The following SSX7 variants were observed in gnomAD, a reference collection of about 807,000 sequenced individuals.
SSX7 encodes protein SSX7.
Under a neutral mutation model 14.7 loss-of-function variants are expected in SSX7, and 15 were observed. That is an observed-to-expected ratio of 1.02 (90% CI 0.68 to 1.58). The LOEUF is 1.58. SSX7 is among the 40% of genes most tolerant of loss of function. The pLI is 0.00. For missense variants in SSX7, 178 were observed against 146.8 expected, an observed-to-expected ratio of 1.21 and a Z score of -1.10; for synonymous variants, 46 against 50.6, an observed-to-expected ratio of 0.91 and a Z score of 0.38.
chrX:52,644,908 C>T (rs1222080999), intron 7 of SSX7, among the ~76,000 whole-genome samples: 2 of 111,287 alleles, frequency 1.8e-5, no homozygotes, highest in African/African-American at 3.3e-5. Flanking sequence ...CAGGGCTGAT[C>T]TGGAGTTCGG....
intron 1 of SSX7, among the ~76,000 whole-genome samples, chrX:52,654,089 A>G (rs868952381): frequency 9.0e-6 from 1 of 111,196 alleles, no homozygotes; most frequent in Non-Finnish European, 1.9e-5. Context: ...TCACTTAGAG[A>G]GAATGTAGGG....
chrX:52,645,892 C>T (rs1284797049), intron 6 of SSX7, among the ~76,000 whole-genome samples: 4 of 110,751 alleles, frequency 3.6e-5, no homozygotes, highest in African/African-American at 1.3e-4. Flanking sequence ...TAGTGCTTCA[C>T]AGATGCTGCA....
At chrX:52,651,205 T>G (rs1925414994) in intron 4 of SSX7, among the ~76,000 whole-genome samples, 1 of 111,842 alleles carries the variant, frequency 8.9e-6, no homozygotes, top group African/African-American at 3.2e-5. Context: ...TCACGGAGAA[T>G]CAGGGTTCTT....
intron 7 of SSX7, among the ~76,000 whole-genome samples, chrX:52,645,040 C>T (rs1325263472): frequency 2.3e-4 from 25 of 110,867 alleles, no homozygotes; most frequent in Non-Finnish European, 4.3e-4. Context: ...GAGGCCGAGG[C>T]GGGCGGATCA....
intron 6 of SSX7, among the ~76,000 whole-genome samples, chrX:52,646,694 C>G (rs781827463): frequency 8.9e-6 from 1 of 112,111 alleles, no homozygotes; most frequent in Non-Finnish European, 1.9e-5. Flanking sequence ...TTCCCCATCT[C>G]TCCTCCTTTT....
At chrX:52,645,678 T>C in intron 6 of SSX7, 135 bp from the exon 7 acceptor site, 1 of 550,918 alleles carries the variant, frequency 1.8e-6, no homozygotes, top group Non-Finnish European at 2.9e-6. Context: ...TCACATTCTC[T>C]GGCTTAGAGA....
chrX:52,645,624 C>G (rs1335873069), intron 6 of SSX7, 81 bp from the exon 7 acceptor site: 11 of 813,548 alleles, frequency 1.4e-5, no homozygotes, highest in Non-Finnish European at 1.9e-5. Flanking sequence ...AAAGGAGATG[C>G]CTCCCCCCTC....
intron 3 of SSX7, among the ~76,000 whole-genome samples, 186 bp from the exon 4 acceptor site, chrX:52,652,533 A>T (rs1359830355): frequency 9.2e-6 from 1 of 108,984 alleles, no homozygotes; most frequent in Non-Finnish European, 1.9e-5. Flanking sequence ...TGAGACTCAG[A>T]CTCAAAAAAA....
chrX:52,648,365 T>C lies in SSX7; in HGVS notation c.362A>G (p.Asn121Ser), dbSNP rs1556766599. 2 of 1,211,900 alleles carry C rather than the reference T, an allele frequency of 1.7e-6. No individual in the cohort carries two copies. Among genetic ancestry groups the C allele is most frequent in the Non-Finnish European group, 2.2e-6 (2 of 895,523 alleles). The change falls in exon 6 of 8, where the codon AAT becomes AGT. Residue 121 changes from asparagine to serine, a missense_variant. Asn to Ser is a conservative substitution (Grantham distance 46, BLOSUM62 1). Transcript: ENST00000298181. ...IMPKKPAEEGNDSKGVPEASG... is the reference protein window; with the variant it reads ...IMPKKPAEEGSDSKGVPEASG... ...TGCTTCTGGCACTCCCTTCGAATCA[T>C]TTCCTTCCTCTGCTGGCTTCTTGGG...
rs1925485126 is a variant in SSX7, at chrX:52,652,919, T to A, written c.135A>T (p.Lys45Asn). ...TTCTCTTCATATACACATAGCTGAT[T>A]TTCTCCAAGGATTTCATCTTTTCCC... The part of the protein sequence containing the change: ...KEWEKMKSLE[K>N]ISYVYMKRKY... The change falls in exon 3 of 8, where the codon AAA becomes AAT. Residue 45 changes from lysine to asparagine, a missense_variant. Physicochemically the swap from Lys to Asn is moderately conservative, Grantham distance 94. Coordinates refer to ENST00000298181, the MANE Select transcript of SSX7 (RefSeq NM_173358.2). The A allele has an allele frequency of 8.3e-7, 1 of 1,202,873 alleles. No homozygotes were observed. Among genetic ancestry groups the A allele is most frequent in the African/African-American group, 1.8e-5 (1 of 57,132 alleles).
rs1396039864 is a variant in SSX7 at position 52,650,341 on chromosome X, A to C, written c.330+12T>G. The C allele has an allele frequency of 1.2e-5, 15 of 1,207,234 alleles. No homozygotes were observed. The highest frequency in any genetic ancestry group is 1.7e-5 in the Non-Finnish European group (15 of 892,736). ...AAGGTTCTCTGGTCCTTTAGATCTG[A>C]GAGACACTCACCTTCGGGAAGATTC... On this transcript the variant is annotated intron_variant, in intron 5 of 7. Coordinates refer to ENST00000298181, the MANE Select transcript of SSX7 (RefSeq NM_173358.2).
intron 5 of SSX7, 41 bp from the exon 6 acceptor site, chrX:52,648,437 A>G: frequency 8.3e-7 from 1 of 1,204,159 alleles, no homozygotes; most frequent in Non-Finnish European, 1.1e-6. Flanking sequence ...AATCAGTGAC[A>G]TTTCTATAGT....
intron 7 of SSX7, 137 bp from the exon 8 acceptor site, chrX:52,644,807 G>A: frequency 1.4e-6 from 1 of 735,589 alleles, no homozygotes; most frequent in Non-Finnish European, 2.1e-6. Flanking sequence ...CGCCTTCCAT[G>A]GTTCCTTGAA....
At chrX:52,648,934 G>A (rs1230987272) in intron 5 of SSX7, among the ~76,000 whole-genome samples, 8 of 111,770 alleles carry the variant, frequency 7.2e-5, no homozygotes, top group Non-Finnish European at 5.6e-5. Flanking sequence ...CCACCCTACC[G>A]AGGCACCAAC....
At chrX:52,650,516 A>G in intron 4 of SSX7, 114 bp from the exon 5 acceptor site, 1 of 859,742 alleles carries the variant, frequency 1.2e-6, no homozygotes, top group South Asian at 2.3e-5. Flanking sequence ...CTCATTGTTG[A>G]GGAGTTATTT....
intron 6 of SSX7, among the ~76,000 whole-genome samples, chrX:52,647,535 T>C (rs1925289102): frequency 9.0e-6 from 1 of 111,674 alleles, no homozygotes; most frequent in African/African-American, 3.3e-5. Flanking sequence ...ATTTCATTGT[T>C]GTGTTCTTTT....
At chrX:52,645,132 G>A (rs1427470278) in intron 7 of SSX7, among the ~76,000 whole-genome samples, 2 of 110,712 alleles carry the variant, frequency 1.8e-5, no homozygotes, top group African/African-American at 3.3e-5. Flanking sequence ...TTACCCGGGC[G>A]TGGTGGCGGG....
At chrX:52,653,517 T>C in intron 1 of SSX7, 25 bp from the exon 2 acceptor site, 1 of 1,209,275 alleles carries the variant, frequency 8.3e-7, no homozygotes, top group Non-Finnish European at 1.1e-6. Flanking sequence ...GCCTGAGTCT[T>C]TCCAGCCACA....
At chrX:52,648,435 A>T in intron 5 of SSX7, 39 bp from the exon 6 acceptor site, 1 of 1,205,389 alleles carries the variant, frequency 8.3e-7, no homozygotes, top group Non-Finnish European at 1.1e-6. Flanking sequence ...AGAATCAGTG[A>T]CATTTCTATA....
Sources: gnomAD v4.1 joint callset for allele counts (sites outside exome capture counted in the v4.1 genomes callset) on GRCh38, gnomAD v4.1.1 for gene constraint, MANE v1.5 for transcripts, NCBI Gene and HGNC (gene_info 2026-07-23, HGNC 2026-07-21) for gene names.